The following CD70 variants were observed in gnomAD, a reference collection of about 807,000 sequenced individuals.
The protein encoded by CD70 is CD70 antigen.
Under a neutral mutation model 9.0 loss-of-function variants are expected in CD70, and 6 were observed. The observed-to-expected ratio is 0.67, with a 90% CI of 0.37 to 1.32. CD70 has a LOEUF of 1.32. CD70 is among the 40% of genes most tolerant of loss of function. The probability of loss-of-function intolerance (pLI) is 0.02; values close to 1 mark genes in which losing one functional copy is unlikely to be tolerated. For synonymous variants in CD70, 108 were observed against 112.3 expected, an observed-to-expected ratio of 0.96 and a Z score of 0.24; for missense variants, 235 against 258.7, an observed-to-expected ratio of 0.91 and a Z score of 0.63.
downstream of CD70, among the ~76,000 whole-genome samples, chr19:6,584,489 G>A (rs959557531): frequency 1.5e-4 from 22 of 143,414 alleles, no homozygotes; most frequent in African/African-American, 5.6e-4. Context: ...CTGGACAACA[G>A]GGCGAGACTC....
downstream of CD70, among the ~76,000 whole-genome samples, chr19:6,584,615 T>C (rs1349174256): frequency 1.3e-5 from 2 of 149,130 alleles, no homozygotes; most frequent in East Asian, 4.1e-4. Context: ...ATCCCAGCAC[T>C]TGGGGAGACC....
At chr19:6,589,284 TC>T (rs1378560423) in intron 2 of CD70, among the ~76,000 whole-genome samples, 4 of 151,832 alleles carry the variant, frequency 2.6e-5, no homozygotes, top group Non-Finnish European at 5.9e-5. Flanking sequence ...TTTTTCTCTT[TC>T]TTCTTTCTTT....
Position 6,590,907 on chromosome 19 carries a change from G to A in CD70, c.96C>T (p.Ile32=). The A allele has an allele frequency of 6.2e-7, 1 of 1,614,120 alleles. No homozygotes were observed. Among genetic ancestry groups the A allele is most frequent in the South Asian group, 1.1e-5 (1 of 91,088 alleles). The change falls in exon 1 of 3, where the codon ATC becomes ATT. Residue 32 remains isoleucine, a synonymous_variant. Coordinates refer to ENST00000245903, the MANE Select transcript of CD70 (RefSeq NM_001252.5). This position sits in a 1 kb window ranked among gnomAD's most constrained non-coding sequence, Gnocchi z 5.3. The part of the protein sequence containing the change: ...ALVPLVAGLV[I]CLVVCIQRFA... ...AGCGCTGGATGCACACCACGAGGCA[G>A]ATCACCAAGCCCGCGACCAATGGGA...
Position 6,590,907 on chromosome 19 carries a change from G to T in CD70, c.96C>A (p.Ile32=). ...AGCGCTGGATGCACACCACGAGGCA[G>T]ATCACCAAGCCCGCGACCAATGGGA... ...ALVPLVAGLV[I]CLVVCIQRFA... is the part of the protein sequence containing the mutation. Residue 32 remains isoleucine (I), a synonymous_variant, in exon 1 of 3, where the codon ATC becomes ATA. Transcript: ENST00000245903. The surrounding 1 kb of genome is among the most constrained non-coding windows in gnomAD (Gnocchi z 5.3). 2 of 1,614,120 alleles carry T rather than the reference G, an allele frequency of 1.2e-6. No homozygotes were observed. Among genetic ancestry groups the T allele is most frequent in the Non-Finnish European group, 1.7e-6 (2 of 1,180,010 alleles).
chr19:6,590,821 A>C lies in CD70; in HGVS notation c.162+20T>G. 6.2e-7 allele frequency: 1 copy of C among 1,605,898 alleles called. No homozygotes were observed. The highest frequency in any genetic ancestry group is 8.5e-7 in the Non-Finnish European group (1 of 1,174,544). ...CGCGCCTCTCTATGTTTTCTTCCCA[A>C]CTTTTCCATCTCAACTCACCCCAAG... On this transcript the variant is annotated intron_variant, in intron 1 of 2. Transcript: ENST00000245903. This position sits in a 1 kb window ranked among gnomAD's most constrained non-coding sequence, Gnocchi z 5.3.
At chr19:6,581,952 C>T (rs540795452), downstream of CD70, among the ~76,000 whole-genome samples, 12 of 146,808 alleles carry the variant, frequency 8.2e-5, no homozygotes, top group African/African-American at 2.9e-4. Flanking sequence ...GTTGGATATA[C>T]CCATTCCAAA....
intron 2 of CD70, among the ~76,000 whole-genome samples, chr19:6,589,538 T>C (rs1383785523): frequency 1.3e-4 from 20 of 151,838 alleles, no homozygotes; most frequent in Admixed American, 1.2e-3. Context: ...TACAGGTGCC[T>C]GCCACCACAC....
At chr19:6,582,884 A>C (rs1915945887), downstream of CD70, among the ~76,000 whole-genome samples, 1 of 152,136 alleles carries the variant, frequency 6.6e-6, no homozygotes, top group South Asian at 2.1e-4. Flanking sequence ...CGCTGATGTA[A>C]GTGGTGGGTT....
In CD70 at chr19:6,590,636, C is replaced by T. The variant is rs114305888; in HGVS notation, c.162+205G>A. On this transcript the variant is annotated intron_variant, in intron 1 of 2. Coordinates refer to ENST00000245903, the MANE Select transcript of CD70 (RefSeq NM_001252.5). This position sits in a 1 kb window ranked among gnomAD's most constrained non-coding sequence, Gnocchi z 5.3. The stretch of plus-strand genomic sequence containing the variant: ...CCATGTGTGCCTACCTTTCCCATCC[C>T]GGGATCTCCCTGTACCTCCTGGCAG... Among the ~76,000 whole-genome samples, 668 of 152,308 alleles carry T rather than the reference C, an allele frequency of 4.4e-3. 10 individuals are homozygous for T. The highest frequency in any genetic ancestry group is 0.015 in the African/African-American group (636 of 41,572).
At chr19:6,586,905 A>C (rs1916031007) in intron 2 of CD70, among the ~76,000 whole-genome samples, 2 of 77,142 alleles carry the variant, frequency 2.6e-5, no homozygotes, top group Non-Finnish European at 2.9e-5. Context: ...AGAGAGACAA[A>C]AAAAAAAAAA....
At chr19:6,589,898 C>A (rs1916116248) in intron 2 of CD70, among the ~76,000 whole-genome samples, 1 of 149,004 alleles carries the variant, frequency 6.7e-6, no homozygotes, top group African/African-American at 2.5e-5. Flanking sequence ...CTGTCTCTCC[C>A]TCCCTTTCTC....
In CD70 at chr19:6,586,251, G is replaced by A. The variant is rs1471505122; in HGVS notation, c.351C>T (p.Ser117=). ...TGGGGTGGTGCCTGGAGGCCGTCGT[G>A]GAGGAGCAGATGGCCAGCGTCACCT... ...HIQVTLAICS[S]TTASRHHPTT... The change falls in exon 3 of 3, where the codon TCC becomes TCT. Residue 117 remains serine (S), a synonymous_variant. Coordinates refer to ENST00000245903, the MANE Select transcript of CD70 (RefSeq NM_001252.5). 1.2e-6 allele frequency: 2 copies of A among 1,614,036 alleles called. No individual in the cohort carries two copies. The highest frequency in any genetic ancestry group is 1.7e-6 in the Non-Finnish European group (2 of 1,180,002).
At chr19:6,586,461 CAGG>C in intron 2 of CD70, 56 bp from the exon 3 acceptor site, 1 of 1,518,070 alleles carries the variant, frequency 6.6e-7, no homozygotes. Context: ...AACTGAGGCA[CAGG>C]GGGTCATAGA....
rs1916126894 is a variant in CD70 at position 6,590,209 on chromosome 19, T to A, written c.163-73A>T. On this transcript the variant is annotated intron_variant, in intron 1 of 2. Coordinates refer to ENST00000245903, the MANE Select transcript of CD70 (RefSeq NM_001252.5). The surrounding 1 kb of genome is among the most constrained non-coding windows in gnomAD (Gnocchi z 5.3). ...TCTATGTGTCCCCTGTGCCAGGAGC[T>A]CTCTTTTCTCTGTCCATCCTCCTTT... 3.4e-6 allele frequency: 4 copies of A among 1,174,222 alleles called. No homozygotes were observed. Among genetic ancestry groups the A allele is most frequent in the Non-Finnish European group, 5.1e-6 (4 of 778,338 alleles). 72.7% of individuals were successfully genotyped at this position (1,174,222 alleles called of 1,614,324 possible).
intron 2 of CD70, among the ~76,000 whole-genome samples, chr19:6,587,892 A>G (rs1203167787): frequency 1.3e-5 from 2 of 152,006 alleles, no homozygotes; most frequent in African/African-American, 4.8e-5. Context: ...ATTTTGTTCT[A>G]GAGATGGTGG....
At chr19:6,588,780 C>T (rs887995518) in intron 2 of CD70, among the ~76,000 whole-genome samples, 10 of 152,182 alleles carry the variant, frequency 6.6e-5, no homozygotes, top group African/African-American at 2.4e-4. Context: ...CGTGGCATTG[C>T]TCTGTTTTTC....
intron 2 of CD70, among the ~76,000 whole-genome samples, chr19:6,589,377 T>C (rs1447146124): frequency 6.7e-6 from 1 of 148,322 alleles, no homozygotes; most frequent in East Asian, 1.9e-4. Context: ...TTCTTTCTTT[T>C]TCTTTTCCTT....
rs771723284 is a variant in CD70 at position 6,591,034 on chromosome 19, G to A, written c.-32C>T. On this transcript the variant is annotated 5_prime_UTR_variant, in exon 1 of 3. Transcript: ENST00000245903. The stretch of plus-strand genomic sequence containing the variant: ...GGCGATCACCTCCGCTAGCGCAGGA[G>A]GGGCGATGGGGGCGCGGAGCGCTGC... 3 of 1,554,380 alleles carry A rather than the reference G, an allele frequency of 1.9e-6. No homozygotes were observed. The highest frequency in any genetic ancestry group is 1.2e-5 in the South Asian group (1 of 83,702).
intron 2 of CD70, among the ~76,000 whole-genome samples, chr19:6,589,479 T>A (rs1160436646): frequency 6.6e-6 from 1 of 152,012 alleles, no homozygotes; most frequent in East Asian, 1.9e-4. Flanking sequence ...AACTTCTGCC[T>A]CCCAGGTTCA....
Sources: gnomAD v4.1 joint callset for allele counts (sites outside exome capture counted in the v4.1 genomes callset) on GRCh38, gnomAD v4.1.1 for gene constraint, Gnocchi (gnomAD v3.1) non-coding constraint, MANE v1.5 for transcripts, NCBI Gene and HGNC (gene_info 2026-07-23, HGNC 2026-07-21) for gene names.